TNFRSF11A: variants seen among roughly 807,000 people sequenced by gnomAD.
TNFRSF11A encodes TNF receptor superfamily member 11a, also known as tumor necrosis factor receptor superfamily member 11A.
Under a neutral mutation model 55.7 loss-of-function variants are expected in TNFRSF11A, and 32 were observed. The ratio of observed to expected loss-of-function variants is 0.57; its 90% CI spans 0.43 to 0.77. TNFRSF11A has a LOEUF of 0.77. Among genes scored for constraint, TNFRSF11A ranks in the 30% least tolerant of loss-of-function variants. The pLI is 0.00. For synonymous variants in TNFRSF11A, 311 were observed against 331.0 expected (o/e 0.94, Z 0.65); for missense variants, 753 against 809.8 (o/e 0.93, Z 0.85).
At chr18:62,358,589 C>T (rs1421787035) in intron 5 of TNFRSF11A, among the ~76,000 whole-genome samples, 2 of 152,196 alleles carry the variant, frequency 1.3e-5, no homozygotes, top group Admixed American at 6.5e-5. Flanking sequence ...CTTACGGTTG[C>T]AGCTTTTTCT....
rs2046154346 is a variant in TNFRSF11A at position 62,331,550 on chromosome 18, G to C, written c.75+6123G>C. On this transcript the variant is annotated intron_variant, in intron 1 of 9. Coordinates refer to ENST00000586569, the MANE Select transcript of TNFRSF11A (RefSeq NM_003839.4). ...AGGCTCTGACATCTAGAGAGCCATTGCCAGACCTAGAGATGTCTTGGAATG... is the reference window on the plus strand; with the variant it reads ...AGGCTCTGACATCTAGAGAGCCATTCCCAGACCTAGAGATGTCTTGGAATG... 2.0e-5 allele frequency among the ~76,000 whole-genome samples: 3 copies of C among 152,298 alleles called. 1 individual carries two copies. The South Asian group carries it at 6.2e-4, about 32-fold the overall frequency.
At chr18:62,331,260 T>A (rs573125423) in intron 1 of TNFRSF11A, among the ~76,000 whole-genome samples, 1 of 152,118 alleles carries the variant, frequency 6.6e-6, no homozygotes, top group East Asian at 1.9e-4. Context: ...ACACGGCAGC[T>A]GTCAGGACAA....
Position 62,369,417 on chromosome 18 carries a change from G to C in TNFRSF11A, c.1500G>C (p.Arg500Ser). The C allele has an allele frequency of 6.2e-7, 1 of 1,611,444 alleles. No homozygotes were observed. Residue 500 changes from arginine (R) to serine (S), a missense_variant, in exon 9 of 10, where the codon AGG (arginine) becomes AGC (serine). Transcript: ENST00000586569. The stretch of plus-strand genomic sequence containing the variant: ...AGCCCGAGGATGGGGCTGATGGGAG[G>C]CTCCCAAGCTCAGCGAGGGCAGGTG... Reference protein sequence around the residue: ...RDQPEDGADGRLPSSARAGAG... With the variant: ...RDQPEDGADGSLPSSARAGAG...
intron 9 of TNFRSF11A, among the ~76,000 whole-genome samples, chr18:62,380,173 A>G (rs1053558454): frequency 1.3e-5 from 2 of 152,260 alleles, no homozygotes; most frequent in African/African-American, 4.8e-5. Context: ...GCGGCTGCAC[A>G]GGCCCATGGC....
chr18:62,378,996 G>A (rs917426605), intron 9 of TNFRSF11A, among the ~76,000 whole-genome samples: 4 of 152,174 alleles, frequency 2.6e-5, no homozygotes, highest in African/African-American at 4.8e-5. Flanking sequence ...ATTGCTTTCC[G>A]GTGAATCTGG....
chr18:62,379,070 G>C (rs999884043), intron 9 of TNFRSF11A, among the ~76,000 whole-genome samples: 1 of 152,194 alleles, frequency 6.6e-6, no homozygotes, highest in Admixed American at 6.5e-5. Flanking sequence ...AGTGTCAGTC[G>C]GTAAAGGGGA....
chr18:62,366,883 C>T, intron 8 of TNFRSF11A, 123 bp downstream of exon 8: 1 of 1,027,138 alleles, frequency 9.7e-7, no homozygotes, highest in Non-Finnish European at 1.5e-6. Context: ...GAGTCTCGCT[C>T]TGTGCCTCAG....
In TNFRSF11A at chr18:62,384,929, G is replaced by A. The variant is rs201023972; in HGVS notation, c.1746G>A (p.Ala582=). 1.0e-5 allele frequency: 16 copies of A among 1,550,184 alleles called. No individual in the cohort carries two copies. The highest frequency in any genetic ancestry group is 1.9e-5 in the Admixed American group (1 of 51,684). Residue 582 remains alanine (A), a synonymous_variant, in exon 10 of 10, where the codon GCG becomes GCA. Coordinates refer to ENST00000586569, the MANE Select transcript of TNFRSF11A (RefSeq NM_003839.4). Reference sequence around the variant, plus strand: ...CCCTGGCGCGCCGAGACTCCTTCGCGGGGAACGGCCCGCGCTTCCCGGACC... The same window carrying A: ...CCCTGGCGCGCCGAGACTCCTTCGCAGGGAACGGCCCGCGCTTCCCGGACC... ...EETLARRDSF[A]GNGPRFPDPC...
chr18:62,358,106 G>A, intron 4 of TNFRSF11A, 142 bp from the exon 5 acceptor site: 2 of 729,756 alleles, frequency 2.7e-6, no homozygotes, highest in Admixed American at 4.5e-5. Flanking sequence ...CACAGGGGTG[G>A]GCACAGGGGT....
chr18:62,356,382 C>T (rs1909256464), intron 4 of TNFRSF11A, among the ~76,000 whole-genome samples: 1 of 152,188 alleles, frequency 6.6e-6, no homozygotes, highest in Non-Finnish European at 1.5e-5. Flanking sequence ...TAAAATGGAT[C>T]TCCCTATCAC....
intron 8 of TNFRSF11A, among the ~76,000 whole-genome samples, chr18:62,368,119 G>A (rs1338553229): frequency 2.0e-5 from 3 of 152,130 alleles, no homozygotes; most frequent in Non-Finnish European, 4.4e-5. Flanking sequence ...GATATAAAAT[G>A]TATACATTTG....
In TNFRSF11A at chr18:62,368,849, C is replaced by T. The variant is rs764561352; in HGVS notation, c.932C>T (p.Thr311Ile). The T allele has an allele frequency of 2.5e-5, 40 of 1,614,116 alleles. No homozygotes were observed. Among genetic ancestry groups the T allele is most frequent in the Non-Finnish European group, 2.9e-5 (34 of 1,180,050 alleles). The part of the protein sequence containing the change: ...YPDQGGVCQG[T>I]CVGGGPYAQG... ...GATCAAGGTGGTGTCTGTCAGGGCACATGTGTAGGAGGTGGTCCCTACGCA... is the reference window on the plus strand; with the variant it reads ...GATCAAGGTGGTGTCTGTCAGGGCATATGTGTAGGAGGTGGTCCCTACGCA... The change falls in exon 9 of 10, where the codon ACA (threonine) becomes ATA (isoleucine). Residue 311 changes from threonine (T) to isoleucine (I), a missense_variant. By Grantham distance (89) the Thr-to-Ile change is moderately conservative. Transcript: ENST00000586569.
At position 62,387,384 on chromosome 18, in the gene TNFRSF11A, A is replaced by G. The variant is rs900537060; in HGVS notation, c.*2350A>G. ...GAACAGTTATTAGGGGGAACATGATAAAGAGATTATATTAAGCTTATGTTT... is the reference window on the plus strand; with the variant it reads ...GAACAGTTATTAGGGGGAACATGATGAAGAGATTATATTAAGCTTATGTTT... On this transcript the variant is annotated 3_prime_UTR_variant, in exon 10 of 10. Coordinates refer to ENST00000586569, the MANE Select transcript of TNFRSF11A (RefSeq NM_003839.4). The G allele has an allele frequency of 2.8e-4, 43 of 152,198 alleles. No individual in the cohort carries two copies. Among genetic ancestry groups the G allele is most frequent in the African/African-American group, 9.7e-4 (40 of 41,446 alleles). 9.4% of individuals were successfully genotyped at this position (152,198 alleles called of 1,614,324 possible). A position where few individuals can be genotyped will look rare whatever the true frequency, so the allele number is the denominator to read the frequency against.
chr18:62,342,401 CAAAAAAA>C (rs371734407), intron 1 of TNFRSF11A, among the ~76,000 whole-genome samples: 25 of 62,230 alleles, frequency 4.0e-4, no homozygotes, highest in African/African-American at 6.8e-4. Flanking sequence ...GATTCTGTCT[CAAAAAAA>C]AAAAAAAAAA....
At position 62,368,767 on chromosome 18, in the gene TNFRSF11A, G is replaced by C. The variant is rs12721431; in HGVS notation, c.850G>C (p.Gly284Arg). 2 of 1,614,216 alleles carry C rather than the reference G, an allele frequency of 1.2e-6. No homozygotes were observed. Among genetic ancestry groups the C allele is most frequent in the Non-Finnish European group, 8.5e-7 (1 of 1,180,040 alleles). The change falls in exon 9 of 10, where the codon GGT (glycine) becomes CGT (arginine). Residue 284 changes from glycine (G) to arginine (R), a missense_variant. Physicochemically the swap from Gly to Arg is moderately radical, Grantham distance 125. This residue lies in a region of TNFRSF11A where 567 missense variants were observed against 596.7 expected (regional missense o/e 0.95). Coordinates refer to ENST00000586569, the MANE Select transcript of TNFRSF11A (RefSeq NM_003839.4). Reference protein sequence around the residue: ...ANFGQQGACEGVLLLTLEEKT... With the variant: ...ANFGQQGACERVLLLTLEEKT... Reference sequence around the variant, plus strand: ...CTTTGGTCAGCAGGGAGCATGTGAAGGTGTCTTACTGCTGACTCTGGAGGA... The same window carrying C: ...CTTTGGTCAGCAGGGAGCATGTGAACGTGTCTTACTGCTGACTCTGGAGGA...
intron 9 of TNFRSF11A, among the ~76,000 whole-genome samples, chr18:62,379,957 C>T (rs1234131598): frequency 2.6e-5 from 4 of 152,314 alleles, no homozygotes; most frequent in East Asian, 3.9e-4. Context: ...CTTCCGAAAA[C>T]GGTAGTGCTA....
At chr18:62,348,810 T>C (rs1328902600) in intron 2 of TNFRSF11A, among the ~76,000 whole-genome samples, 5 of 152,212 alleles carry the variant, frequency 3.3e-5, no homozygotes, top group African/African-American at 4.8e-5. Flanking sequence ...GCCCGCACTC[T>C]CTCATCATTC....
At chr18:62,384,220 T>C (rs1911494438) in intron 9 of TNFRSF11A, among the ~76,000 whole-genome samples, 1 of 152,064 alleles carries the variant, frequency 6.6e-6, no homozygotes, top group South Asian at 2.1e-4. Flanking sequence ...CTAGGCTTGC[T>C]CGTTTCTCAT....
rs989399759 is a variant in TNFRSF11A at position 62,383,428 on chromosome 18, C to T, written c.1568-1323C>T. Among the ~76,000 whole-genome samples, 1 of 152,078 alleles carries T rather than the reference C, an allele frequency of 6.6e-6. No homozygotes were observed. The highest frequency in any genetic ancestry group is 2.4e-5 in the African/African-American group (1 of 41,378). On this transcript the variant is annotated intron_variant, in intron 9 of 9. Transcript: ENST00000586569. This position sits in a 1 kb window ranked among gnomAD's most constrained non-coding sequence, Gnocchi z 4.2. ...ATCTCGTGTGGAGTGGTAACAAAAA[C>T]TTCATTTTATTTGTATGAATTATTA...
Sources: gnomAD v4.1 joint callset for allele counts (sites outside exome capture counted in the v4.1 genomes callset) on GRCh38, gnomAD v4.1.1 for gene constraint, gnomAD v4.1.1 regional missense constraint, Gnocchi (gnomAD v3.1) non-coding constraint, MANE v1.5 for transcripts, NCBI Gene and HGNC (gene_info 2026-07-23, HGNC 2026-07-21) for gene names.